The following ERP44 variants were observed in gnomAD, a reference collection of about 807,000 sequenced individuals.
ERP44 encodes the protein endoplasmic reticulum resident protein 44.
In ERP44, 25 loss-of-function variants were observed where a neutral mutation model predicts 53.4. The observed-to-expected ratio is 0.47, with a 90% CI of 0.34 to 0.65. The LOEUF (loss-of-function observed/expected upper bound fraction) is 0.65, where lower values mean the gene tolerates loss of function less well. ERP44 is among the 30% of genes least tolerant of loss of function. The pLI is 0.01. For synonymous variants in ERP44, 145 were observed against 161.2 expected (o/e 0.90, Z 0.76); for missense variants, 338 against 493.2 (o/e 0.69, Z 2.98).
chr9:100,030,017 G>A (rs1825764675), intron 4 of ERP44, among the ~76,000 whole-genome samples: 1 of 152,106 alleles, frequency 6.6e-6, no homozygotes, highest in Non-Finnish European at 1.5e-5. Flanking sequence ...GAACCCAGAA[G>A]GCAGAGGTTG....
chr9:100,090,360 T>C (rs190545617), intron 1 of ERP44, among the ~76,000 whole-genome samples: 5 of 152,302 alleles, frequency 3.3e-5, no homozygotes, highest in Admixed American at 3.3e-4. Context: ...TATCTTACAC[T>C]TGCAGCTGTT....
chr9:99,998,977 A>G (rs1397052596), intron 10 of ERP44: 14 of 1,411,986 alleles, frequency 9.9e-6, no homozygotes, highest in Non-Finnish European at 1.4e-5. Context: ...TCTGGATCTC[A>G]GGTCGGCGGC....
At chr9:100,083,121 T>C (rs1826445160) in intron 1 of ERP44, among the ~76,000 whole-genome samples, 1 of 151,282 alleles carries the variant, frequency 6.6e-6, no homozygotes, top group Non-Finnish European at 1.5e-5. Context: ...AGAATTTCCC[T>C]AAATTATAAA....
intron 10 of ERP44, among the ~76,000 whole-genome samples, chr9:99,999,374 T>G (rs1198971615): frequency 3.9e-5 from 6 of 152,220 alleles, no homozygotes; most frequent in Non-Finnish European, 7.3e-5. Flanking sequence ...ACGTATAGAT[T>G]GTGAAGATTT....
intron 5 of ERP44, among the ~76,000 whole-genome samples, chr9:100,021,829 G>A (rs1194800887): frequency 6.6e-6 from 1 of 152,150 alleles, no homozygotes; most frequent in East Asian, 1.9e-4. Context: ...AATTAGTACA[G>A]CTTTACTGCA....
At chr9:100,068,194 G>C (rs529575622) in intron 1 of ERP44, among the ~76,000 whole-genome samples, 1 of 150,070 alleles carries the variant, frequency 6.7e-6, no homozygotes, top group Non-Finnish European at 1.5e-5. Context: ...AGCCCCGTCC[G>C]GGAGGGAGGT....
chr9:100,066,944 G>A (rs1316996580), intron 1 of ERP44, among the ~76,000 whole-genome samples: 2 of 152,060 alleles, frequency 1.3e-5, no homozygotes, highest in African/African-American at 2.4e-5. Context: ...TCAAAGAGAG[G>A]GGAAAAATAG....
intron 1 of ERP44, among the ~76,000 whole-genome samples, chr9:100,082,538 CAT>C (rs1826438100): frequency 6.6e-6 from 1 of 152,006 alleles, no homozygotes; most frequent in African/African-American, 2.4e-5. Context: ...CCTGAAAAAA[CAT>C]ATACAGTCGT....
chr9:100,060,121 C>T lies in ERP44; in HGVS notation c.109G>A (p.Glu37Lys). Residue 37 changes from glutamate to lysine, a missense_variant, in exon 2 of 12, where the codon GAG becomes AAG. This residue lies in a region of ERP44 where 224 missense variants were observed against 301.4 expected (regional missense o/e 0.74). Transcript: ENST00000262455. ...TTACTTAAAATTTCATCTATATTCT[C>T]TGTATCAAGACTTGTTATTTCAGTT... ...VTTEITSLDT[E>K]NIDEILNNAD... is the part of the protein sequence containing the mutation. 1 of 1,489,390 alleles carries T rather than the reference C, an allele frequency of 6.7e-7. No homozygotes were observed. Among genetic ancestry groups the T allele is most frequent in the Non-Finnish European group, 8.9e-7 (1 of 1,121,138 alleles). 92.3% of individuals were successfully genotyped at this position (1,489,390 alleles called of 1,614,324 possible).
intron 10 of ERP44, among the ~76,000 whole-genome samples, chr9:99,996,752 C>A (rs375359362): frequency 5.9e-5 from 9 of 152,166 alleles, no homozygotes; most frequent in East Asian, 5.8e-4. Flanking sequence ...CATAGCTTAG[C>A]TCCCACATAT....
At chr9:100,091,589 CTA>C (rs1192190871) in intron 1 of ERP44, among the ~76,000 whole-genome samples, 10 of 152,152 alleles carry the variant, frequency 6.6e-5, no homozygotes, top group Admixed American at 6.5e-4. Context: ...AAAAGATTTA[CTA>C]TGTTATTGAG....
intron 1 of ERP44, among the ~76,000 whole-genome samples, chr9:100,062,837 C>T (rs1438640167): frequency 6.6e-6 from 1 of 151,904 alleles, no homozygotes; most frequent in Non-Finnish European, 1.5e-5. Context: ...CTTTGGGAGG[C>T]CAAGGCAGGA....
intron 1 of ERP44, among the ~76,000 whole-genome samples, chr9:100,089,714 A>G (rs1826528754): frequency 6.6e-6 from 1 of 152,176 alleles, no homozygotes; most frequent in African/African-American, 2.4e-5. Context: ...GATCTAGATT[A>G]AGAATAAATC....
intron 2 of ERP44, among the ~76,000 whole-genome samples, chr9:100,058,468 G>A (rs1238119331): frequency 6.6e-6 from 1 of 152,168 alleles, no homozygotes; most frequent in Non-Finnish European, 1.5e-5. Flanking sequence ...AAAGTGGAAT[G>A]ATCTGTATTT....
At chr9:100,004,007 G>A (rs1205501415) in intron 10 of ERP44, among the ~76,000 whole-genome samples, 1 of 152,214 alleles carries the variant, frequency 6.6e-6, no homozygotes, top group Non-Finnish European at 1.5e-5. Flanking sequence ...GTGGAATCAC[G>A]ATCTATGGCA....
chr9:100,067,848 G>C (rs547310037), intron 1 of ERP44, among the ~76,000 whole-genome samples: 64 of 150,462 alleles, frequency 4.3e-4, no homozygotes, highest in African/African-American at 1.4e-3. Context: ...TGGCCGCCCC[G>C]TCTGAGAAGT....
chr9:99,992,096 C>G (rs542374688), intron 10 of ERP44, among the ~76,000 whole-genome samples: 9 of 152,268 alleles, frequency 5.9e-5, no homozygotes, highest in South Asian at 2.1e-4. Context: ...GTACAAAGAG[C>G]AGCTGGTACC....
chr9:100,068,399 CCCGG>C (rs1177670132), intron 1 of ERP44, among the ~76,000 whole-genome samples: 1 of 93,200 alleles, frequency 1.1e-5, no homozygotes, highest in East Asian at 1.5e-3. Context: ...CAGCCCCCTG[CCCGG>C]CCAGCCGCCG....
rs1260629635 is a variant in ERP44 at position 99,979,630 on chromosome 9, G to A, written c.*2982C>T. 5 of 254,206 alleles carry A rather than the reference G, an allele frequency of 2.0e-5. No homozygotes were observed. The allele number at this position is 254,206 out of a possible 1,614,324, so 15.7% of individuals were successfully genotyped here. The stretch of plus-strand genomic sequence containing the variant: ...GTCCCCCTCACAATTTGAAAAACTC[G>A]AAGAGGTAGCTGGCTAAGAAGCAGA... On this transcript the variant is annotated 3_prime_UTR_variant, in exon 12 of 12. Transcript: ENST00000262455.
Sources: allele counts gnomAD v4.1 joint callset (sites outside exome capture counted in the v4.1 genomes callset), GRCh38; gene constraint gnomAD v4.1.1; regional missense constraint gnomAD v4.1.1; transcripts MANE v1.5; gene names NCBI Gene and HGNC (gene_info 2026-07-23, HGNC 2026-07-21).